Variants in TNNI3K observed in about 807,000 individuals in gnomAD.
TNNI3K encodes serine/threonine-protein kinase TNNI3K.
Under a neutral mutation model 114.5 loss-of-function variants are expected in TNNI3K, and 140 were observed. The observed-to-expected ratio is 1.22, with a 90% CI of 1.07 to 1.41. TNNI3K has a LOEUF of 1.41. Among genes scored for constraint, TNNI3K ranks in the 40% most tolerant of loss-of-function variants. The pLI is 0.00. For missense variants in TNNI3K, 1,125 were observed against 1,007.6 expected, an observed-to-expected ratio of 1.12 and a Z score of -1.58; for synonymous variants, 347 against 347.5, an observed-to-expected ratio of 1.00 and a Z score of 0.02.
At position 74,309,354 on chromosome 1, in the gene TNNI3K, G is replaced by A. The variant is rs1308279466; in HGVS notation, c.445-22096G>A. 5.5e-4 allele frequency among the ~76,000 whole-genome samples: 18 copies of A among 33,000 alleles called. No homozygotes were observed. The East Asian group carries it at 7.0e-3, about 13-fold the overall frequency. The allele number at this position is 33,000 out of a possible 152,430, so 21.6% of individuals were successfully genotyped here. ...ACTGCACTCCAGCCTGGGCGACAGC[G>A]AGACTCTGTCTCAAAAAAAAAAAAA... On this transcript the variant is annotated intron_variant, in intron 5 of 24. Transcript: ENST00000326637.
At chr1:74,354,574 G>A (rs1332242373) in intron 11 of TNNI3K, among the ~76,000 whole-genome samples, 1 of 152,070 alleles carries the variant, frequency 6.6e-6, no homozygotes, top group Non-Finnish European at 1.5e-5. Context: ...AGGGACCCAA[G>A]TGTAAACTTA....
chr1:74,432,973 A>G (rs1665965494), intron 17 of TNNI3K, among the ~76,000 whole-genome samples: 2 of 152,046 alleles, frequency 1.3e-5, no homozygotes, highest in Non-Finnish European at 1.5e-5. Context: ...TGCTAATACC[A>G]TCTCCATAGT....
intron 23 of TNNI3K, among the ~76,000 whole-genome samples, chr1:74,506,914 A>G (rs935463908): frequency 6.6e-6 from 1 of 152,128 alleles, no homozygotes; most frequent in African/African-American, 2.4e-5. Flanking sequence ...TAATTCATTT[A>G]CCACTTTCTA....
intron 9 of TNNI3K, among the ~76,000 whole-genome samples, chr1:74,351,417 A>T (rs953077941): frequency 1.3e-5 from 2 of 148,358 alleles, no homozygotes; most frequent in Admixed American, 1.3e-4. Flanking sequence ...CTTTATTTCA[A>T]CTTTGGTGAA....
At chr1:74,448,253 A>T (rs1407969409) in intron 20 of TNNI3K, among the ~76,000 whole-genome samples, 1 of 111,570 alleles carries the variant, frequency 9.0e-6, no homozygotes, top group Non-Finnish European at 1.8e-5. Context: ...TAAAACTTAG[A>T]GTATAATAAA....
intron 17 of TNNI3K, among the ~76,000 whole-genome samples, chr1:74,393,715 G>A (rs1663919373): frequency 6.6e-6 from 1 of 152,184 alleles, no homozygotes; most frequent in South Asian, 2.1e-4. Context: ...TTCCACAGAA[G>A]GTGGGGAAGT....
At chr1:74,331,368 T>A (rs1423130174) in intron 5 of TNNI3K, 82 bp from the exon 6 acceptor site, 1 of 1,399,042 alleles carries the variant, frequency 7.1e-7, no homozygotes, top group Non-Finnish European at 9.7e-7. Context: ...TGATGAAGAT[T>A]TGTGCATGGT....
intron 17 of TNNI3K, among the ~76,000 whole-genome samples, chr1:74,428,713 T>C (rs2100649666): frequency 6.6e-6 from 1 of 152,062 alleles, no homozygotes; most frequent in East Asian, 1.9e-4. Flanking sequence ...GGAGAGAGGA[T>C]TGCATGAGGG....
At chr1:74,265,218 G>A (rs987175900) in intron 4 of TNNI3K, among the ~76,000 whole-genome samples, 4 of 152,010 alleles carry the variant, frequency 2.6e-5, no homozygotes, top group African/African-American at 4.8e-5. Context: ...AGTACAAGAG[G>A]TTTATTTAAA....
chr1:74,334,512 G>GTGAC (rs2100421197), intron 6 of TNNI3K, among the ~76,000 whole-genome samples: 1 of 152,280 alleles, frequency 6.6e-6, no homozygotes, highest in South Asian at 2.1e-4. Flanking sequence ...TATCACTGAG[G>GTGAC]TGACTTTTGA....
chr1:74,367,388 G>A lies in TNNI3K; in HGVS notation c.1264+46G>A, dbSNP rs201579776. On this transcript the variant is annotated intron_variant, in intron 12 of 24. Transcript: ENST00000326637. ...TTTTCATTATTGTATAATATATTGT[G>A]CCTAAAGGTAAACCTGTGTTTCTGT... 222 of 1,598,018 alleles carry A rather than the reference G, an allele frequency of 1.4e-4. 1 individual carries two copies. The South Asian group carries it at 2.1e-3, about 15-fold the overall frequency.
chr1:74,489,483 T>G (rs1668939316), intron 22 of TNNI3K, among the ~76,000 whole-genome samples: 2 of 152,178 alleles, frequency 1.3e-5, no homozygotes, highest in Admixed American at 1.3e-4. Context: ...GGCAGGCAAA[T>G]GGACACAGTC....
At chr1:74,485,140 A>G (rs144819370) in intron 21 of TNNI3K, among the ~76,000 whole-genome samples, 86 of 152,344 alleles carry the variant, frequency 5.6e-4, no homozygotes, top group African/African-American at 1.9e-3. Flanking sequence ...CCTATCTATA[A>G]CACAAGGAGA....
chr1:74,475,116 C>CCA (rs3058791), intron 21 of TNNI3K, among the ~76,000 whole-genome samples: 19,892 of 135,690 alleles, frequency 0.15, 1,403 homozygotes, highest in African/African-American at 0.18. Flanking sequence ...CCACCTCAGC[C>CCA]CACACACACA....
chr1:74,491,217 TTTTG>T (rs563665454), intron 22 of TNNI3K, among the ~76,000 whole-genome samples: 101 of 151,742 alleles, frequency 6.7e-4, no homozygotes, highest in Non-Finnish European at 1.1e-3. Context: ...TCCAACAGGT[TTTTG>T]TTTGTTTGTT....
chr1:74,415,805 A>G (rs1439711373), intron 17 of TNNI3K, among the ~76,000 whole-genome samples: 1 of 151,064 alleles, frequency 6.6e-6, no homozygotes, highest in Admixed American at 6.6e-5. Flanking sequence ...GGTCATCTTT[A>G]TATTTTTATA....
At chr1:74,360,576 C>T (rs930946172) in intron 11 of TNNI3K, among the ~76,000 whole-genome samples, 3 of 152,058 alleles carry the variant, frequency 2.0e-5, no homozygotes, top group African/African-American at 7.2e-5. Flanking sequence ...GCTCATTCAT[C>T]CTTACATATG....
intron 13 of TNNI3K, among the ~76,000 whole-genome samples, chr1:74,368,462 T>G (rs1662398921): frequency 6.6e-6 from 1 of 151,994 alleles, no homozygotes; most frequent in Admixed American, 6.6e-5. Flanking sequence ...AATAGTTTCC[T>G]TAGAATGTAG....
At chr1:74,365,974 T>A (rs1662249718) in intron 11 of TNNI3K, among the ~76,000 whole-genome samples, 1 of 151,798 alleles carries the variant, frequency 6.6e-6, no homozygotes, top group Non-Finnish European at 1.5e-5. Flanking sequence ...CCTCGAAGAA[T>A]CTTAGCCTTG....
Sources: gnomAD v4.1 joint callset for allele counts (sites outside exome capture counted in the v4.1 genomes callset) on GRCh38, gnomAD v4.1.1 for gene constraint, MANE v1.5 for transcripts, NCBI Gene and HGNC (gene_info 2026-07-23, HGNC 2026-07-21) for gene names.